The following TLE1 variants were observed in gnomAD, a reference collection of about 807,000 sequenced individuals.
TLE1 encodes the protein TLE family member 1, transcriptional corepressor, also known as transducin-like enhancer protein 1.
In TLE1, 21 loss-of-function variants were observed where a neutral mutation model predicts 89.8. That is an observed-to-expected ratio of 0.23 (90% CI 0.17 to 0.34). TLE1 has a LOEUF of 0.34. Among genes scored for constraint, TLE1 ranks in the 10% least tolerant of loss-of-function variants. TLE1 has a pLI of 1.00. For missense variants in TLE1, 795 were observed against 1,031.2 expected (o/e 0.77, Z 3.14); for synonymous variants, 447 against 407.6 (o/e 1.10, Z -1.16).
At chr9:81,667,266 G>A (rs1340276319) in intron 4 of TLE1, among the ~76,000 whole-genome samples, 1 of 151,466 alleles carries the variant, frequency 6.6e-6, no homozygotes, top group African/African-American at 2.4e-5. Context: ...GTGTAGTGGT[G>A]CACACCTGTA....
At chr9:81,628,056 A>G (rs916356980) in intron 8 of TLE1, among the ~76,000 whole-genome samples, 1 of 152,216 alleles carries the variant, frequency 6.6e-6, no homozygotes, top group African/African-American at 2.4e-5. Flanking sequence ...CTGACTGTAC[A>G]AAAATTAAAA....
intron 6 of TLE1, among the ~76,000 whole-genome samples, chr9:81,637,010 A>AAAAAAAAAG (rs1827457435): frequency 6.6e-6 from 1 of 151,642 alleles, no homozygotes; most frequent in African/African-American, 2.4e-5. Context: ...CTCAAAAAAA[A>AAAAAAAAAG]AAAAAAGAAA....
Position 81,660,934 on chromosome 9 carries a change from A to ACACAC in TLE1, c.235-6899_235-6898insGTGTG, listed in dbSNP as rs1830689328. Among the ~76,000 whole-genome samples the ACACAC allele has an allele frequency of 1.0e-4, 9 of 88,816 alleles. No individual in the cohort carries two copies. The Admixed American group carries it at 1.1e-3, about 11-fold the overall frequency. The allele number at this position is 88,816 out of a possible 152,430, so 58.3% of individuals were successfully genotyped here. A position where few individuals can be genotyped will look rare whatever the true frequency, so the allele number is the denominator to read the frequency against. On this transcript the variant is annotated intron_variant, in intron 4 of 19. Coordinates refer to ENST00000376499, the MANE Select transcript of TLE1 (RefSeq NM_005077.5). ...ACACGGTGAAACCCCATCCCTACTA[A>ACACAC]ACACACACACACACACACACACACA...
At chr9:81,608,230 A>T (rs73468062) in intron 14 of TLE1, among the ~76,000 whole-genome samples, 12,007 of 151,984 alleles carry the variant, frequency 0.079, 518 homozygotes, top group African/African-American at 0.092. Flanking sequence ...TTTGCCCCTT[A>T]TCCACTCACC....
At chr9:81,613,356 C>A in intron 12 of TLE1, 21 bp downstream of exon 12, 1 of 1,610,176 alleles carries the variant, frequency 6.2e-7, no homozygotes, top group Non-Finnish European at 8.5e-7. Context: ...AAACAAAGCA[C>A]AACAAGAGGC....
chr9:81,648,502 G>A (rs1829147126), intron 6 of TLE1, among the ~76,000 whole-genome samples: 1 of 151,862 alleles, frequency 6.6e-6, no homozygotes, highest in Non-Finnish European at 1.5e-5. Context: ...TACATCAACT[G>A]AAAAAAACAA....
chr9:81,612,086 AG>A (rs1163000396), intron 12 of TLE1, 127 bp from the exon 13 acceptor site: 7 of 767,802 alleles, frequency 9.1e-6, no homozygotes, highest in Non-Finnish European at 1.3e-5. Context: ...CTTCTAGGGG[AG>A]GGGGAAAATC....
chr9:81,584,196 T>C lies in TLE1; in HGVS notation c.*2A>G. On this transcript the variant is annotated 3_prime_UTR_variant, in exon 20 of 20. Transcript: ENST00000376499. ...CTATAAACGTTAAACCACATAATGTTTTCAGTAGATGACTTCATAGACTGT... is the reference window on the plus strand; with the variant it reads ...CTATAAACGTTAAACCACATAATGTCTTCAGTAGATGACTTCATAGACTGT... The C allele has an allele frequency of 6.2e-7, 1 of 1,612,368 alleles. No individual in the cohort carries two copies. Among genetic ancestry groups the C allele is most frequent in the South Asian group, 1.1e-5 (1 of 91,044 alleles).
intron 12 of TLE1, among the ~76,000 whole-genome samples, chr9:81,612,899 A>C (rs1053333286): frequency 3.3e-5 from 5 of 152,344 alleles, no homozygotes; most frequent in Non-Finnish European, 5.9e-5. Flanking sequence ...CTCTACTAAA[A>C]ATACAAAAAT....
chr9:81,592,493 T>C (rs907255223), intron 15 of TLE1, among the ~76,000 whole-genome samples: 1 of 152,240 alleles, frequency 6.6e-6, no homozygotes, highest in Non-Finnish European at 1.5e-5. Context: ...CTCTCTTTCG[T>C]TGATGGCTGC....
At chr9:81,655,866 A>AG (rs1323690877) in intron 4 of TLE1, among the ~76,000 whole-genome samples, 1 of 144,254 alleles carries the variant, frequency 6.9e-6, no homozygotes, top group Non-Finnish European at 1.5e-5. Context: ...AAAAAAAAAA[A>AG]AAAGAAAAGA....
Position 81,652,262 on chromosome 9 carries a change from A to T in TLE1, c.324T>A (p.Val108=). Residue 108 remains valine, a synonymous_variant, in exon 6 of 20, where the codon GTT becomes GTA. Transcript: ENST00000376499. The part of the protein sequence containing the change: ...QEHQQQVAQA[V]ERAKQVTMAE... ...CCATGGTCACCTGTTTGGCACGTTC[A>T]ACAGCCTGGGCCACCTGTTGTTGAT... is the stretch of plus-strand genomic sequence containing the variant. The T allele has an allele frequency of 3.1e-6, 5 of 1,614,038 alleles. No individual in the cohort carries two copies. Among genetic ancestry groups the T allele is most frequent in the Non-Finnish European group, 4.2e-6 (5 of 1,179,960 alleles).
Position 81,620,546 on chromosome 9 carries a change from G to C in TLE1, c.606C>G (p.Leu202=). 1 of 1,611,062 alleles carries C rather than the reference G, an allele frequency of 6.2e-7. No homozygotes were observed. The highest frequency in any genetic ancestry group is 2.2e-5 in the East Asian group (1 of 44,838). The change falls in exon 9 of 20, where the codon CTC becomes CTG. Residue 202 remains leucine (L), a synonymous_variant. Coordinates refer to ENST00000376499, the MANE Select transcript of TLE1 (RefSeq NM_005077.5). The part of the protein sequence containing the change: ...RDREPGTSNS[L]LVPDSLRGTD... ...TGCCTCTTAGACTGTCTGGGACCAGGAGGGAATTACTCTGCAAGACAAAAA... is the reference window on the plus strand; with the variant it reads ...TGCCTCTTAGACTGTCTGGGACCAGCAGGGAATTACTCTGCAAGACAAAAA...
At chr9:81,676,792 C>G (rs1832955094) in intron 4 of TLE1, among the ~76,000 whole-genome samples, 1 of 152,170 alleles carries the variant, frequency 6.6e-6, no homozygotes, top group African/African-American at 2.4e-5. Flanking sequence ...CAGGGTGCGG[C>G]CAGGTTTGAC....
At chr9:81,623,616 TTAAAA>T (rs1563985657) in intron 8 of TLE1, among the ~76,000 whole-genome samples, 2 of 84,388 alleles carry the variant, frequency 2.4e-5, no homozygotes. Flanking sequence ...CCATCTGTAC[TTAAAA>T]AAAAAAAAAA....
chr9:81,585,114 C>G (rs1269043966), intron 18 of TLE1, among the ~76,000 whole-genome samples: 4 of 152,098 alleles, frequency 2.6e-5, no homozygotes, highest in African/African-American at 9.7e-5. Context: ...TAAGTGTCTG[C>G]GTATACCTAA....
rs755820465 is a variant in TLE1 at position 81,634,249 on chromosome 9, G to A, written c.425C>T (p.Pro142Leu). The A allele has an allele frequency of 2.5e-6, 4 of 1,572,976 alleles. No individual in the cohort carries two copies. Among genetic ancestry groups the A allele is most frequent in the Non-Finnish European group, 3.5e-6 (4 of 1,155,478 alleles). The change falls in exon 7 of 20, where the codon CCC becomes CTC. Residue 142 changes from proline to leucine, a missense_variant. Around this residue, in one of 4 missense-constraint regions of TLE1, gnomAD observed 468 missense variants for 509.1 expected, o/e 0.92. Transcript: ENST00000376499. Reference protein sequence around the residue: ...HLSHGHGPPVPLTPHPSGLQP... With the variant: ...HLSHGHGPPVLLTPHPSGLQP... ...AAGTCCCGAAGGGTGAGGCGTAAGGGGAACTGGGGGTCCGTGGCCATGAGA... is the reference window on the plus strand; with the variant it reads ...AAGTCCCGAAGGGTGAGGCGTAAGGAGAACTGGGGGTCCGTGGCCATGAGA...
At chr9:81,607,237 A>T (rs1274569925) in intron 14 of TLE1, among the ~76,000 whole-genome samples, 1 of 152,138 alleles carries the variant, frequency 6.6e-6, no homozygotes, top group East Asian at 1.9e-4. Flanking sequence ...TCTAGTTTGC[A>T]TGGCTCTGAA....
intron 8 of TLE1, among the ~76,000 whole-genome samples, chr9:81,630,610 T>C (rs553936059): frequency 4.2e-4 from 64 of 152,270 alleles, no homozygotes; most frequent in African/African-American, 1.5e-3. Context: ...GGTATCAAGA[T>C]CATGAGGCCA....
Sources: allele counts gnomAD v4.1 joint callset (sites outside exome capture counted in the v4.1 genomes callset), GRCh38; gene constraint gnomAD v4.1.1; regional missense constraint gnomAD v4.1.1; transcripts MANE v1.5; gene names NCBI Gene and HGNC (gene_info 2026-07-23, HGNC 2026-07-21).